GNG2: variants seen among roughly 807,000 people sequenced by gnomAD.
The protein encoded by GNG2 is guanine nucleotide-binding protein G(I)/G(S)/G(O) subunit gamma-2.
In GNG2, 5 loss-of-function variants were observed where a neutral mutation model predicts 5.5. That is an observed-to-expected ratio of 0.91 (90% CI 0.48 to 1.92). GNG2 has a LOEUF of 1.92. GNG2 is among the 30% of genes most tolerant of loss of function. GNG2 has a pLI of 0.01. For synonymous variants in GNG2, 28 were observed against 32.0 expected, an observed-to-expected ratio of 0.88 and a Z score of 0.42; for missense variants, 55 against 88.4, an observed-to-expected ratio of 0.62 and a Z score of 1.52.
chr14:51,952,190 TAC>T (rs1157903542), intron 3 of GNG2: 4 of 370,284 alleles, frequency 1.1e-5, no homozygotes, highest in African/African-American at 8.3e-5. Context: ...GATGAGCAAA[TAC>T]CCATGGACAT....
At chr14:51,872,674 T>C (rs188330859) in intron 1 of GNG2, among the ~76,000 whole-genome samples, 1 of 152,210 alleles carries the variant, frequency 6.6e-6, no homozygotes, top group Admixed American at 6.5e-5. Context: ...CATGAGAAAA[T>C]AGTCTTCCCT....
intron 2 of GNG2, among the ~76,000 whole-genome samples, chr14:51,928,211 T>C (rs1227953593): frequency 1.3e-5 from 2 of 151,946 alleles, no homozygotes; most frequent in Non-Finnish European, 2.9e-5. Flanking sequence ...TTTGTATTTT[T>C]AGTAGAGACG....
chr14:51,940,568 CTAAAAGATCTT>C (rs1267770071), intron 2 of GNG2, among the ~76,000 whole-genome samples: 1 of 152,144 alleles, frequency 6.6e-6, no homozygotes. Flanking sequence ...ATCATGACAC[CTAAAAGATCTT>C]TGTGACTTCC....
intron 2 of GNG2, among the ~76,000 whole-genome samples, chr14:51,832,929 A>C (rs1594828198): frequency 6.6e-6 from 1 of 152,324 alleles, no homozygotes; most frequent in East Asian, 1.9e-4. Flanking sequence ...AGAATTTTAC[A>C]CACTTCTGAA....
At chr14:51,919,605 A>G (rs1339099126) in intron 2 of GNG2, among the ~76,000 whole-genome samples, 3 of 152,250 alleles carry the variant, frequency 2.0e-5, no homozygotes. Context: ...GTTTGACAAC[A>G]TAACCAGTCC....
At chr14:51,897,431 G>T (rs971208407) in intron 2 of GNG2, among the ~76,000 whole-genome samples, 10 of 152,160 alleles carry the variant, frequency 6.6e-5, no homozygotes, top group Non-Finnish European at 1.3e-4. Flanking sequence ...GGGCATCATG[G>T]GAGTAAACCT....
chr14:51,952,426 G>A (rs1889035423), intron 3 of GNG2, among the ~76,000 whole-genome samples: 1 of 152,104 alleles, frequency 6.6e-6, no homozygotes, highest in Non-Finnish European at 1.5e-5. Flanking sequence ...AGCAACAGGT[G>A]GGCACAATAC....
intron 2 of GNG2, among the ~76,000 whole-genome samples, chr14:51,916,719 G>C (rs1234436788): frequency 6.6e-6 from 1 of 152,136 alleles, no homozygotes; most frequent in East Asian, 1.9e-4. Flanking sequence ...AGGTATCCAG[G>C]GGTGCAGTGT....
At chr14:51,826,612 T>C (rs916703886) in intron 1 of GNG2, among the ~76,000 whole-genome samples, 1 of 152,172 alleles carries the variant, frequency 6.6e-6, no homozygotes, top group Non-Finnish European at 1.5e-5. Flanking sequence ...GGCATTGACC[T>C]GAAACAGGAA....
intron 2 of GNG2, among the ~76,000 whole-genome samples, chr14:51,911,326 A>C (rs1886278584): frequency 6.6e-6 from 1 of 152,194 alleles, no homozygotes; most frequent in South Asian, 2.1e-4. Flanking sequence ...AATGGTTATC[A>C]AGGCCTATGA....
At chr14:51,852,209 C>T (rs1250750989) in intron 2 of GNG2, among the ~76,000 whole-genome samples, 2 of 152,164 alleles carry the variant, frequency 1.3e-5, no homozygotes, top group Non-Finnish European at 2.9e-5. Flanking sequence ...AATGAACAAA[C>T]TTGCCATACT....
chr14:51,831,476 G>C (rs1413206712), intron 2 of GNG2, among the ~76,000 whole-genome samples: 1 of 152,140 alleles, frequency 6.6e-6, no homozygotes, highest in East Asian at 1.9e-4. Context: ...GACAGCAAGG[G>C]GGACAGCCTT....
At chr14:51,905,836 C>T (rs1158678313) in intron 2 of GNG2, among the ~76,000 whole-genome samples, 4 of 152,182 alleles carry the variant, frequency 2.6e-5, no homozygotes, top group African/African-American at 9.6e-5. Flanking sequence ...AAGGGGCTTT[C>T]CCCAATTTTA....
At chr14:51,937,627 T>TAAAAAGTGAATTGGGACAAAATA (rs1888089532) in intron 2 of GNG2, among the ~76,000 whole-genome samples, 1 of 144,332 alleles carries the variant, frequency 6.9e-6, no homozygotes, top group Admixed American at 7.0e-5. Flanking sequence ...TACATAATTT[T>TAAAAAGTGAATTGGGACAAAATA]TTTTTTTTTT....
At position 51,901,107 on chromosome 14, in the gene GNG2, T is replaced by A. The variant is rs1000790281; in HGVS notation, c.-30+23450T>A. Among the ~76,000 whole-genome samples, 3 of 152,254 alleles carry A rather than the reference T, an allele frequency of 2.0e-5. No homozygotes were observed. In the East Asian group the frequency reaches 5.8e-4, roughly 29 times the overall value. Reference sequence around the variant, plus strand: ...AGCATTTGTTTTGGGATATCCAGAGTTGGCATGCACCATTAGAGCTATATT... The same window carrying A: ...AGCATTTGTTTTGGGATATCCAGAGATGGCATGCACCATTAGAGCTATATT... On this transcript the variant is annotated intron_variant, in intron 2 of 3. Transcript: ENST00000556766.
chr14:51,856,411 T>C (rs531794178), upstream of GNG2, among the ~76,000 whole-genome samples: 16 of 152,154 alleles, frequency 1.1e-4, no homozygotes, highest in Non-Finnish European at 1.9e-4. Flanking sequence ...AAAGAATAGC[T>C]TTCTTTTTAA....
At chr14:51,846,328 T>G (rs996087752) in intron 2 of GNG2, among the ~76,000 whole-genome samples, 6 of 152,234 alleles carry the variant, frequency 3.9e-5, no homozygotes, top group Non-Finnish European at 7.3e-5. Flanking sequence ...TAAAGATGGA[T>G]AATACCTAGG....
chr14:51,892,376 A>T (rs1007240792), intron 2 of GNG2, among the ~76,000 whole-genome samples: 2 of 151,198 alleles, frequency 1.3e-5, no homozygotes, highest in African/African-American at 4.9e-5. Flanking sequence ...CTATGGCGCG[A>T]TCTTGGCGCA....
chr14:51,878,245 C>T (rs1883807810), intron 2 of GNG2, among the ~76,000 whole-genome samples: 1 of 152,190 alleles, frequency 6.6e-6, no homozygotes, highest in South Asian at 2.1e-4. Context: ...TTGCCCACTC[C>T]AAGATACACA....
Sources: allele counts gnomAD v4.1 joint callset (sites outside exome capture counted in the v4.1 genomes callset), GRCh38; gene constraint gnomAD v4.1.1; transcripts MANE v1.5; gene names NCBI Gene and HGNC (gene_info 2026-07-23, HGNC 2026-07-21).